Variants in SUGCT observed in about 807,000 individuals in gnomAD.
SUGCT encodes succinyl-CoA:glutarate-CoA transferase.
SUGCT carries 41 observed loss-of-function variants against 55.0 expected under a neutral mutation model. The ratio of observed to expected loss-of-function variants is 0.74; its 90% confidence interval spans 0.58 to 0.97. SUGCT has a LOEUF of 0.97. Among genes scored for constraint, SUGCT ranks in the 50% least tolerant of loss-of-function variants. SUGCT has a pLI of 0.00. For missense variants in SUGCT, 568 were observed against 547.8 expected, an observed-to-expected ratio of 1.04 and a Z score of -0.37; for synonymous variants, 187 against 200.4, an observed-to-expected ratio of 0.93 and a Z score of 0.56.
intron 12 of SUGCT, among the ~76,000 whole-genome samples, chr7:40,553,414 C>T (rs538987964): frequency 6.6e-6 from 1 of 152,058 alleles, no homozygotes; most frequent in African/African-American, 2.4e-5. Flanking sequence ...GAAAATTGAC[C>T]GCGAATGATG....
At chr7:40,901,694 A>C in the SUGCT span, among the ~76,000 whole-genome samples, 4 of 152,340 alleles carry the variant, frequency 2.6e-5, no homozygotes, top group East Asian at 7.7e-4. Flanking sequence ...ACAAATCAGA[A>C]ATAGAATTGA....
intron 1 of SUGCT, among the ~76,000 whole-genome samples, chr7:40,149,030 T>C (rs1279984135): frequency 6.6e-6 from 1 of 152,148 alleles, no homozygotes; most frequent in Non-Finnish European, 1.5e-5. Context: ...TAAACTTCTT[T>C]AGAAGAGATG....
intron 12 of SUGCT, among the ~76,000 whole-genome samples, chr7:40,615,561 G>A (rs1390413657): frequency 1.3e-5 from 2 of 152,154 alleles, no homozygotes; most frequent in Non-Finnish European, 2.9e-5. Context: ...TACAGAATGG[G>A]TACCCAACAC....
At chr7:40,755,569 C>T (rs1788214364) in intron 13 of SUGCT, among the ~76,000 whole-genome samples, 1 of 152,184 alleles carries the variant, frequency 6.6e-6, no homozygotes, top group African/African-American at 2.4e-5. Flanking sequence ...GGTCTTTGGC[C>T]TTTGAGCCAG....
At chr7:40,842,287 T>C (rs576061283) in intron 13 of SUGCT, among the ~76,000 whole-genome samples, 2 of 152,150 alleles carry the variant, frequency 1.3e-5, no homozygotes, top group Admixed American at 6.5e-5. Flanking sequence ...ATAAGACTTA[T>C]GTTTTCCAAG....
intron 13 of SUGCT, among the ~76,000 whole-genome samples, chr7:40,758,133 T>TG (rs1173410395): frequency 2.5e-3 from 377 of 152,264 alleles, no homozygotes; most frequent in African/African-American, 8.5e-3. Flanking sequence ...AGGAGTGAGT[T>TG]GCTTGGCTTT....
At chr7:40,349,335 GACTA>G (rs1241537963) in intron 9 of SUGCT, among the ~76,000 whole-genome samples, 2 of 152,076 alleles carry the variant, frequency 1.3e-5, no homozygotes, top group Admixed American at 6.6e-5. Context: ...TTGCTTCAGT[GACTA>G]ACTTACTTTC....
At chr7:40,808,996 G>T (rs1334835429) in intron 13 of SUGCT, among the ~76,000 whole-genome samples, 1 of 152,062 alleles carries the variant, frequency 6.6e-6, no homozygotes, top group Admixed American at 6.5e-5. Flanking sequence ...TATACTGTTG[G>T]GCCTCGGTTT....
chr7:40,359,023 G>A (rs1444772195), intron 9 of SUGCT, among the ~76,000 whole-genome samples: 3 of 152,164 alleles, frequency 2.0e-5, no homozygotes, highest in South Asian at 2.1e-4. Flanking sequence ...TAGATTGCAT[G>A]CAAATAAAGA....
At chr7:40,452,916 A>G (rs189386341) in intron 10 of SUGCT, among the ~76,000 whole-genome samples, 25 of 152,306 alleles carry the variant, frequency 1.6e-4, no homozygotes, top group African/African-American at 5.5e-4. Context: ...GTAAATAGTA[A>G]GAGATTTAGG....
At chr7:40,878,794 AC>A in the SUGCT span, among the ~76,000 whole-genome samples, 1 of 148,506 alleles carries the variant, frequency 6.7e-6, no homozygotes, top group Non-Finnish European at 1.5e-5. Flanking sequence ...GCTTTCTCAA[AC>A]TTTTTTTTTT....
chr7:40,195,222 C>CTTTTTTTTTTTTT (rs11326653), intron 6 of SUGCT, among the ~76,000 whole-genome samples, 162 bp downstream of exon 6: 11 of 101,262 alleles, frequency 1.1e-4, no homozygotes, highest in African/African-American at 1.6e-4. Flanking sequence ...TTTCTTTTTT[C>CTTTTTTTTTTTTT]TTTTTTTTTT....
intron 12 of SUGCT, among the ~76,000 whole-genome samples, chr7:40,532,562 G>T (rs1794157738): frequency 6.6e-6 from 1 of 151,408 alleles, no homozygotes; most frequent in Admixed American, 6.6e-5. Flanking sequence ...GTGTGTGTGT[G>T]TGTGTGTATT....
intron 12 of SUGCT, among the ~76,000 whole-genome samples, chr7:40,551,067 A>T (rs537599244): frequency 2.0e-5 from 3 of 152,036 alleles, no homozygotes; most frequent in Admixed American, 2.0e-4. Context: ...TGTTGCTCGG[A>T]GGCCCTCACT....
At chr7:40,498,114 TAGCCAGTTTCCAA>T (rs1478537627) in intron 12 of SUGCT, among the ~76,000 whole-genome samples, 1 of 152,146 alleles carries the variant, frequency 6.6e-6, no homozygotes, top group African/African-American at 2.4e-5. Flanking sequence ...TTTCAGTCAT[TAGCCAGTTTCCAA>T]AATGGAGAAA....
At chr7:40,459,219 C>T in intron 11 of SUGCT, 21 bp downstream of exon 11, 2 of 1,462,080 alleles carry the variant, frequency 1.4e-6, no homozygotes, top group Non-Finnish European at 1.9e-6. Flanking sequence ...ATGTTGTATT[C>T]ATCCATTTAA....
At chr7:40,645,228 C>G (rs1339910448) in intron 12 of SUGCT, among the ~76,000 whole-genome samples, 1 of 152,158 alleles carries the variant, frequency 6.6e-6, no homozygotes, top group African/African-American at 2.4e-5. Context: ...CTAAAATGTC[C>G]TCATCGCTCT....
At chr7:41,022,706 A>T in the SUGCT span, among the ~76,000 whole-genome samples, 1 of 152,210 alleles carries the variant, frequency 6.6e-6, no homozygotes, top group Non-Finnish European at 1.5e-5. Context: ...TTAGGGCAAG[A>T]GTATAAATAT....
intron 8 of SUGCT, among the ~76,000 whole-genome samples, chr7:40,290,880 A>G (rs1411733359): frequency 6.6e-6 from 1 of 152,244 alleles, no homozygotes; most frequent in Non-Finnish European, 1.5e-5. Context: ...GAAGACATTT[A>G]CGCAGCCAAA....
Sources: allele counts gnomAD v4.1 joint callset (sites outside exome capture counted in the v4.1 genomes callset), GRCh38; gene constraint gnomAD v4.1.1; transcripts MANE v1.5; gene names NCBI Gene and HGNC (gene_info 2026-07-23, HGNC 2026-07-21).